The following ARHGEF11 variants were observed in gnomAD, a reference collection of about 807,000 sequenced individuals.
The protein encoded by ARHGEF11 is Rho guanine exchange factor (GEF) 11.
Under a neutral mutation model 193.7 loss-of-function variants are expected in ARHGEF11, and 55 were observed. The ratio of observed to expected loss-of-function variants is 0.28; its 90% CI spans 0.23 to 0.36. The LOEUF (loss-of-function observed/expected upper bound fraction) is 0.36. Ranked by LOEUF, ARHGEF11 falls within the 10% of genes least tolerant of loss-of-function variation. The pLI is 1.00. For synonymous variants in ARHGEF11, 693 were observed against 768.0 expected, an observed-to-expected ratio of 0.90 and a Z score of 1.62; for missense variants, 1,723 against 2,005.6, an observed-to-expected ratio of 0.86 and a Z score of 2.69.
intron 3 of ARHGEF11, 27 bp from the exon 4 acceptor site, chr1:156,980,513 T>G: frequency 6.3e-7 from 1 of 1,576,718 alleles, no homozygotes; most frequent in Non-Finnish European, 8.6e-7. Flanking sequence ...TGGTCAGCAG[T>G]GCCCAACAAC....
intron 20 of ARHGEF11, among the ~76,000 whole-genome samples, chr1:156,955,502 G>A (rs1267180016): frequency 2.0e-5 from 3 of 152,108 alleles, no homozygotes; most frequent in Non-Finnish European, 4.4e-5. Flanking sequence ...GGACCGGCAC[G>A]GCTTCCCTGG....
At chr1:156,973,011 C>T (rs1223427783) in intron 7 of ARHGEF11, among the ~76,000 whole-genome samples, 1 of 152,160 alleles carries the variant, frequency 6.6e-6, no homozygotes, top group East Asian at 1.9e-4. Flanking sequence ...CAAGCCACTG[C>T]CCCATTTGTT....
intron 21 of ARHGEF11, among the ~76,000 whole-genome samples, chr1:156,954,186 C>A (rs1659557331): frequency 6.6e-6 from 1 of 151,904 alleles, no homozygotes; most frequent in African/African-American, 2.4e-5. Flanking sequence ...TCGAGACCAG[C>A]CTGGCCAATA....
chr1:156,940,359 C>T lies in ARHGEF11; in HGVS notation c.3581G>A (p.Gly1194Asp). 6.2e-7 allele frequency: 1 copy of T among 1,613,660 alleles called. No individual in the cohort carries two copies. The highest frequency in any genetic ancestry group is 8.5e-7 in the Non-Finnish European group (1 of 1,179,734). The change falls in exon 36 of 41, where the codon GGC becomes GAC. Residue 1194 changes from glycine to aspartate, a missense_variant. By Grantham distance (94) the Gly-to-Asp change is moderately conservative. Transcript: ENST00000368194. The part of the protein sequence containing the change: ...QVLLEDPEQE[G>D]SAEEEELGVL... ...ACCCAGTTCCTCTTCCTCTGCACTG[C>T]CCTCCTGCTCAGGGTCCTCTAGCAG...
chr1:157,029,990 G>A (rs1464789276), intron 1 of ARHGEF11, among the ~76,000 whole-genome samples: 1 of 152,064 alleles, frequency 6.6e-6, no homozygotes, highest in African/African-American at 2.4e-5. Flanking sequence ...GGGGTTAGGG[G>A]AAGGGGGCAA....
At chr1:156,964,787 G>A (rs762581300) in intron 11 of ARHGEF11, among the ~76,000 whole-genome samples, 5 of 152,104 alleles carry the variant, frequency 3.3e-5, no homozygotes, top group South Asian at 2.1e-4. Context: ...CCTCCTCTCC[G>A]AAACACCCTA....
At chr1:157,020,109 G>A (rs1669783525) in intron 1 of ARHGEF11, among the ~76,000 whole-genome samples, 1 of 146,832 alleles carries the variant, frequency 6.8e-6, no homozygotes, top group African/African-American at 2.5e-5. Context: ...GGGCGACAGT[G>A]CGAGACTCTG....
chr1:156,937,637 G>A, intron 38 of ARHGEF11, 141 bp from the exon 39 acceptor site: 2 of 873,958 alleles, frequency 2.3e-6, no homozygotes, highest in Non-Finnish European at 3.4e-6. Flanking sequence ...CGTGGGCCTT[G>A]CTCACTGTCT....
intron 19 of ARHGEF11, 24 bp from the exon 20 acceptor site, chr1:156,955,823 G>C: frequency 3.2e-6 from 5 of 1,582,090 alleles, no homozygotes; most frequent in Non-Finnish European, 4.3e-6. Context: ...AGACACTGGT[G>C]TTTGCAGGAG....
intron 1 of ARHGEF11, among the ~76,000 whole-genome samples, chr1:157,008,700 C>G (rs1668199042): frequency 6.6e-6 from 1 of 152,174 alleles, no homozygotes; most frequent in Non-Finnish European, 1.5e-5. Context: ...TTGTATTACA[C>G]AAGGCCTTGG....
At chr1:157,014,582 C>T (rs1221237224) in intron 1 of ARHGEF11, among the ~76,000 whole-genome samples, 1 of 152,100 alleles carries the variant, frequency 6.6e-6, no homozygotes, top group Non-Finnish European at 1.5e-5. Flanking sequence ...ACCAATCAAC[C>T]AATCTCTTTT....
At position 156,937,023 on chromosome 1, in the gene ARHGEF11, G is replaced by A; in HGVS notation, c.4441-18C>T. 6.2e-7 allele frequency: 1 copy of A among 1,609,162 alleles called. No individual in the cohort carries two copies. Among genetic ancestry groups the A allele is most frequent in the Non-Finnish European group, 8.5e-7 (1 of 1,176,202 alleles). ...TCCATATCCTGGAAGAGTCGGCGGG[G>A]GAATGTCTGCTCGAGTCCTTCTATT... On this transcript the variant is annotated intron_variant, in intron 39 of 40. Transcript: ENST00000368194.
In ARHGEF11 at chr1:156,936,810, A is replaced by G. The variant is rs779505757; in HGVS notation, c.4630+6T>C. 1.2e-6 allele frequency: 2 copies of G among 1,611,106 alleles called. No individual in the cohort carries two copies. The highest frequency in any genetic ancestry group is 1.1e-5 in the South Asian group (1 of 90,860). On this transcript the variant is annotated splice_donor_region_variant and intron_variant, in intron 40 of 40. Coordinates refer to ENST00000368194, the MANE Select transcript of ARHGEF11 (RefSeq NM_198236.3). ...TAGGAACCGAGAGGGACCTGGCTTC[A>G]CTCACCATCCTCAGGGCAGGGCCCC...
intron 1 of ARHGEF11, among the ~76,000 whole-genome samples, chr1:157,032,224 A>G (rs1257398112): frequency 6.6e-6 from 1 of 152,226 alleles, no homozygotes; most frequent in Admixed American, 6.5e-5. Context: ...GCTTACGTTA[A>G]GCTTACAAAG....
chr1:157,003,500 C>G (rs756335830), intron 1 of ARHGEF11, among the ~76,000 whole-genome samples: 5 of 152,206 alleles, frequency 3.3e-5, no homozygotes, highest in Non-Finnish European at 4.4e-5. Context: ...GGTGTTGTGC[C>G]AGATAGTATC....
rs536163970 is a variant in ARHGEF11, at chr1:156,985,807, T to C, written c.124+275A>G. The C allele has an allele frequency of 1.2e-5, 3 of 254,566 alleles. No individual in the cohort carries two copies. The South Asian group carries it at 2.4e-4, about 20-fold the overall frequency. The allele number at this position is 254,566 out of a possible 1,614,324, so 15.8% of individuals were successfully genotyped here. Reference sequence around the variant, plus strand: ...CTGGAGTACAGTGGTTATTCATAGGTGTGATCCCACTACTGATAAGCATGG... The same window carrying C: ...CTGGAGTACAGTGGTTATTCATAGGCGTGATCCCACTACTGATAAGCATGG... On this transcript the variant is annotated intron_variant, in intron 2 of 40. Coordinates refer to ENST00000368194, the MANE Select transcript of ARHGEF11 (RefSeq NM_198236.3).
rs74516719 is a variant in ARHGEF11 at position 157,041,827 on chromosome 1, G to A, written c.32+2472C>T. Among the ~76,000 whole-genome samples, 807 of 152,202 alleles carry A rather than the reference G, an allele frequency of 5.3e-3. 10 individuals are homozygous for A. The highest frequency in any genetic ancestry group is 0.019 in the African/African-American group (771 of 41,522). On this transcript the variant is annotated intron_variant, in intron 1 of 40. Transcript: ENST00000368194. The stretch of plus-strand genomic sequence containing the variant: ...TTTATGTGGTCTTCAAGAGTCTTAC[G>A]TGTTTCCCAGTCCCCCAGTTGCATG...
rs1671052246 is a variant in ARHGEF11, at chr1:157,029,544, T to C, written c.32+14755A>G. Among the ~76,000 whole-genome samples, 3 of 152,224 alleles carry C rather than the reference T, an allele frequency of 2.0e-5. No individual in the cohort carries two copies. The South Asian group carries it at 6.2e-4, about 32-fold the overall frequency. On this transcript the variant is annotated intron_variant, in intron 1 of 40. Transcript: ENST00000368194. ...GCCTCGGCCTCCCAAAGCACTGGGA[T>C]TACAGGCGTGAGCCACTGTGCCCGG...
At chr1:156,988,944 T>A (rs765227870) in intron 1 of ARHGEF11, among the ~76,000 whole-genome samples, 1 of 152,048 alleles carries the variant, frequency 6.6e-6, no homozygotes, top group Non-Finnish European at 1.5e-5. Context: ...TGAGCACATA[T>A]TTGGGAGGAA....
Sources: allele counts gnomAD v4.1 joint callset (sites outside exome capture counted in the v4.1 genomes callset), GRCh38; gene constraint gnomAD v4.1.1; transcripts MANE v1.5; gene names NCBI Gene and HGNC (gene_info 2026-07-23, HGNC 2026-07-21).